The following RXFP1 variants were observed in gnomAD, a reference collection of about 807,000 sequenced individuals.
RXFP1 encodes relaxin family peptide receptor 1.
RXFP1 carries 73 observed loss-of-function variants against 89.8 expected under a neutral mutation model. The observed-to-expected ratio is 0.81, with a 90% CI of 0.67 to 0.99. The LOEUF (loss-of-function observed/expected upper bound fraction) is 0.99. RXFP1 is among the 50% of genes least tolerant of loss of function. The pLI is 0.00. For synonymous variants in RXFP1, 277 were observed against 305.5 expected, an observed-to-expected ratio of 0.91 and a Z score of 0.97; for missense variants, 793 against 895.5, an observed-to-expected ratio of 0.89 and a Z score of 1.46.
intron 2 of RXFP1, among the ~76,000 whole-genome samples, chr4:158,590,634 T>C (rs67058626): frequency 0.22 from 33,759 of 152,094 alleles, 5,472 homozygotes; most frequent in African/African-American, 0.45. Flanking sequence ...TGACTTCTTT[T>C]TGTCACTGTG....
rs375002529 is a variant in RXFP1 at position 158,572,200 on chromosome 4, A to G, written c.50-498A>G. On this transcript the variant is annotated intron_variant, in intron 1 of 17. Transcript: ENST00000307765. ...ACTTTTTCTCTCTTCTTTTTTGTCT[A>G]TTAAACTTTCCTCTCCTTAACCTAC... Among the ~76,000 whole-genome samples the G allele has an allele frequency of 3.0e-3, 451 of 152,178 alleles. 20 individuals are homozygous for G. In the South Asian group the frequency reaches 0.087, roughly 30 times the overall value.
At chr4:158,583,839 C>A (rs1160739205) in intron 2 of RXFP1, among the ~76,000 whole-genome samples, 1 of 152,116 alleles carries the variant, frequency 6.6e-6, no homozygotes. Context: ...TAAAGGATGC[C>A]CAGGATAATG....
chr4:158,647,341 C>A, intron 16 of RXFP1, 140 bp downstream of exon 16: 2 of 649,650 alleles, frequency 3.1e-6, no homozygotes, highest in Non-Finnish European at 5.1e-6. Context: ...ATATAAATTC[C>A]AACCTGACAC....
At chr4:158,646,666 A>T (rs1290993597) in intron 15 of RXFP1, 125 bp from the exon 16 acceptor site, 2 of 1,456,464 alleles carry the variant, frequency 1.4e-6, no homozygotes, top group African/African-American at 2.9e-5. Context: ...GGAGAATAAA[A>T]ATTACCTCTT....
At chr4:158,610,528 T>C in intron 6 of RXFP1, 1 of 438,644 alleles carries the variant, frequency 2.3e-6, no homozygotes, top group Non-Finnish European at 4.3e-6. Flanking sequence ...TGCCAACATA[T>C]ATAAAACATT....
intron 2 of RXFP1, among the ~76,000 whole-genome samples, chr4:158,578,329 A>ATTTTTTAAG (rs1756666041): frequency 6.6e-6 from 1 of 152,228 alleles, no homozygotes; most frequent in Admixed American, 6.5e-5. Context: ...TTTTTAAGTC[A>ATTTTTTAAG]TCAGAGCAGT....
intron 1 of RXFP1, among the ~76,000 whole-genome samples, chr4:158,522,680 T>C (rs1472825838): frequency 5.3e-5 from 8 of 152,210 alleles, no homozygotes; most frequent in Admixed American, 5.2e-4. Flanking sequence ...ACAGTTGTTG[T>C]GTGTTAAGCT....
chr4:158,582,475 G>A (rs988920635), intron 2 of RXFP1, among the ~76,000 whole-genome samples: 6 of 152,078 alleles, frequency 3.9e-5, no homozygotes, highest in South Asian at 4.2e-4. Context: ...GTCCTCTGCC[G>A]TAAGTCACCA....
intron 1 of RXFP1, among the ~76,000 whole-genome samples, chr4:158,547,053 A>G (rs1364531000): frequency 6.6e-6 from 1 of 152,150 alleles, no homozygotes; most frequent in Non-Finnish European, 1.5e-5. Flanking sequence ...CCTCTGGTAG[A>G]ATTCGGCTGT....
chr4:158,607,326 TG>T (rs1416302536), intron 5 of RXFP1, among the ~76,000 whole-genome samples: 1 of 126,294 alleles, frequency 7.9e-6, no homozygotes, highest in Non-Finnish European at 1.5e-5. Flanking sequence ...ATTATTTTTA[TG>T]TTTTTTTTCT....
At chr4:158,628,580 TA>T in intron 10 of RXFP1, 57 bp from the exon 11 acceptor site, 1 of 784,562 alleles carries the variant, frequency 1.3e-6, no homozygotes, top group Non-Finnish European at 2.2e-6. Flanking sequence ...TTCCTCTCTT[TA>T]GTAATTCTTG....
intron 1 of RXFP1, among the ~76,000 whole-genome samples, chr4:158,552,033 A>G (rs1750265785): frequency 1.3e-5 from 2 of 152,248 alleles, no homozygotes; most frequent in Non-Finnish European, 2.9e-5. Context: ...ACACTTTGAC[A>G]ATAAGGCTGA....
intron 9 of RXFP1, among the ~76,000 whole-genome samples, chr4:158,619,033 A>C (rs984519809): frequency 6.6e-6 from 1 of 152,172 alleles, no homozygotes; most frequent in African/African-American, 2.4e-5. Context: ...ATGGGAATAC[A>C]TAATAGTGCA....
In RXFP1 at chr4:158,652,744, A is replaced by G. The variant is rs1772959373; in HGVS notation, c.*689A>G. 1 of 152,214 alleles carries G rather than the reference A, an allele frequency of 6.6e-6. No homozygotes were observed. The highest frequency in any genetic ancestry group is 2.4e-5 in the African/African-American group (1 of 41,436). 9.4% of individuals were successfully genotyped at this position (152,214 alleles called of 1,614,324 possible). A position where few individuals can be genotyped will look rare whatever the true frequency, so the allele number is the denominator to read the frequency against. On this transcript the variant is annotated 3_prime_UTR_variant, in exon 18 of 18. Coordinates refer to ENST00000307765, the MANE Select transcript of RXFP1 (RefSeq NM_021634.4). ...CTTTGCTTTAAATGAACATCATCAT[A>G]TGGAATTGGAATAGGAGAGTATGAG...
At chr4:158,566,087 C>T (rs1019394045) in intron 1 of RXFP1, among the ~76,000 whole-genome samples, 2 of 152,196 alleles carry the variant, frequency 1.3e-5, no homozygotes, top group African/African-American at 4.8e-5. Flanking sequence ...CGATTCCAAA[C>T]CAGATCCTTT....
chr4:158,545,449 T>C (rs553148254), intron 1 of RXFP1, among the ~76,000 whole-genome samples: 2 of 152,208 alleles, frequency 1.3e-5, no homozygotes, highest in Non-Finnish European at 2.9e-5. Context: ...AGCTCTTTAG[T>C]TTAATTATAT....
chr4:158,560,376 T>C (rs998215763), intron 1 of RXFP1, among the ~76,000 whole-genome samples: 4 of 152,214 alleles, frequency 2.6e-5, no homozygotes, highest in African/African-American at 9.6e-5. Context: ...TCAGATAGCA[T>C]GGACTCCTTC....
chr4:158,554,899 C>A (rs1750946770), intron 1 of RXFP1, among the ~76,000 whole-genome samples: 1 of 152,072 alleles, frequency 6.6e-6, no homozygotes, highest in African/African-American at 2.4e-5. Context: ...GCTATTGTAA[C>A]CATGTCACTA....
intron 1 of RXFP1, among the ~76,000 whole-genome samples, chr4:158,539,467 A>C (rs1746070499): frequency 6.6e-6 from 1 of 151,998 alleles, no homozygotes; most frequent in Admixed American, 6.5e-5. Flanking sequence ...GTACCCTAAA[A>C]CTTAAAGTAT....
Sources: allele counts gnomAD v4.1 joint callset (sites outside exome capture counted in the v4.1 genomes callset), GRCh38; gene constraint gnomAD v4.1.1; transcripts MANE v1.5; gene names NCBI Gene and HGNC (gene_info 2026-07-23, HGNC 2026-07-21).